The following GPC6 variants were observed in gnomAD, a reference collection of about 807,000 sequenced individuals.
The protein encoded by GPC6 is glypican 6, also known as glypican-6.
Under a neutral mutation model 55.2 loss-of-function variants are expected in GPC6, and 14 were observed. The ratio of observed to expected loss-of-function variants is 0.25; its 90% CI spans 0.17 to 0.40. GPC6 has a LOEUF of 0.40. Ranked by LOEUF, GPC6 falls within the 10% of genes least tolerant of loss-of-function variation. GPC6 has a pLI of 1.00. For missense variants in GPC6, 641 were observed against 708.5 expected (o/e 0.90, Z 1.08); for synonymous variants, 278 against 259.6 (o/e 1.07, Z -0.68).
intron 4 of GPC6, among the ~76,000 whole-genome samples, chr13:94,033,374 G>A (rs1210878938): frequency 6.6e-6 from 1 of 152,162 alleles, no homozygotes; most frequent in South Asian, 2.1e-4. Context: ...GCTACTTGGT[G>A]CACAAATGAC....
chr13:93,494,758 T>G (rs1432997613), intron 1 of GPC6, among the ~76,000 whole-genome samples: 3 of 150,416 alleles, frequency 2.0e-5, no homozygotes, highest in East Asian at 2.1e-4. Context: ...GTGTGTAAAG[T>G]ATTTTATTTC....
chr13:94,296,207 G>A (rs765587101), intron 5 of GPC6, among the ~76,000 whole-genome samples: 4 of 152,162 alleles, frequency 2.6e-5, no homozygotes, highest in Non-Finnish European at 5.9e-5. Context: ...TTCCTTGCAT[G>A]TAAAAGGGAT....
intron 4 of GPC6, among the ~76,000 whole-genome samples, chr13:94,185,835 C>T (rs1307393635): frequency 1.3e-5 from 2 of 151,730 alleles, no homozygotes; most frequent in South Asian, 2.1e-4. Flanking sequence ...CTGAGGTGGG[C>T]GGATCACGAG....
At chr13:94,115,226 A>T (rs1316063452) in intron 4 of GPC6, among the ~76,000 whole-genome samples, 6 of 152,004 alleles carry the variant, frequency 3.9e-5, no homozygotes, top group African/African-American at 2.4e-5. Flanking sequence ...ATTTTAATAC[A>T]GTCATGTGGC....
intron 4 of GPC6, among the ~76,000 whole-genome samples, chr13:94,266,814 A>G (rs181244846): frequency 8.3e-4 from 127 of 152,322 alleles, no homozygotes; most frequent in Middle Eastern, 6.8e-3. Context: ...TTGGCTGATC[A>G]AATGAATGAG....
At chr13:93,411,983 A>G (rs974652113) in intron 1 of GPC6, among the ~76,000 whole-genome samples, 1 of 150,918 alleles carries the variant, frequency 6.6e-6, no homozygotes, top group Non-Finnish European at 1.5e-5. Context: ...AGCCTGGGCA[A>G]CAGAGAGGGA....
intron 4 of GPC6, among the ~76,000 whole-genome samples, chr13:94,043,626 A>G (rs1316584984): frequency 6.6e-6 from 1 of 151,868 alleles, no homozygotes; most frequent in Non-Finnish European, 1.5e-5. Flanking sequence ...GCTGAACACC[A>G]CAAAGTTCAT....
At chr13:94,259,126 A>G (rs1259553513) in intron 4 of GPC6, among the ~76,000 whole-genome samples, 1 of 152,056 alleles carries the variant, frequency 6.6e-6, no homozygotes, top group East Asian at 1.9e-4. Context: ...TCTCACTGGA[A>G]ACCTTTCCCA....
At position 93,685,024 on chromosome 13, in the gene GPC6, C is replaced by T. The variant is rs566764421; in HGVS notation, c.319+139603C>T. On this transcript the variant is annotated intron_variant, in intron 2 of 8. Transcript: ENST00000377047. ...TATATCTGGTAGCAAAAAATCACTGCTTTGAAATTGACTTAATATTATGAA... is the reference window on the plus strand; with the variant it reads ...TATATCTGGTAGCAAAAAATCACTGTTTTGAAATTGACTTAATATTATGAA... 2.1e-3 allele frequency among the ~76,000 whole-genome samples: 325 copies of T among 152,242 alleles called. 1 individual carries two copies. Among genetic ancestry groups the T allele is most frequent in the African/African-American group, 7.2e-3 (298 of 41,564 alleles).
intron 1 of GPC6, among the ~76,000 whole-genome samples, chr13:93,362,934 A>G (rs1881093515): frequency 6.6e-6 from 1 of 152,086 alleles, no homozygotes; most frequent in Non-Finnish European, 1.5e-5. Context: ...CTTCTGCCAA[A>G]CAGTGCTAGT....
chr13:93,634,658 A>G (rs1179702568), intron 2 of GPC6, among the ~76,000 whole-genome samples: 1 of 152,138 alleles, frequency 6.6e-6, no homozygotes, highest in Non-Finnish European at 1.5e-5. Context: ...AACATTTGCC[A>G]TCACATTTGA....
chr13:93,446,923 A>T (rs1187324357), intron 1 of GPC6, among the ~76,000 whole-genome samples: 1 of 151,956 alleles, frequency 6.6e-6, no homozygotes, highest in African/African-American at 2.4e-5. Context: ...AAAAAAATCA[A>T]TGCCATTAGC....
At chr13:93,679,439 A>G (rs1182202358) in intron 2 of GPC6, among the ~76,000 whole-genome samples, 1 of 152,204 alleles carries the variant, frequency 6.6e-6, no homozygotes, top group Non-Finnish European at 1.5e-5. Flanking sequence ...CCATATCTAG[A>G]CATGCCAAAA....
rs139898538 is a variant in GPC6 at position 94,213,587 on chromosome 13, C to T, written c.878-72762C>T. On this transcript the variant is annotated intron_variant, in intron 4 of 8. Coordinates refer to ENST00000377047, the MANE Select transcript of GPC6 (RefSeq NM_005708.5). ...AGCTCTCGGGTTGGCAGAGGGCCAC[C>T]GGTCTAGGATGGTCTCACCTGGGAT... Among the ~76,000 whole-genome samples, 441 of 152,176 alleles carry T rather than the reference C, an allele frequency of 2.9e-3. 2 individuals carry two copies. Among genetic ancestry groups the T allele is most frequent in the African/African-American group, 0.01 (421 of 41,512 alleles).
At chr13:94,366,620 C>T (rs183662938) in intron 6 of GPC6, among the ~76,000 whole-genome samples, 5 of 152,276 alleles carry the variant, frequency 3.3e-5, no homozygotes, top group Admixed American at 1.3e-4. Flanking sequence ...TTATGAAGAC[C>T]GCATATCTAA....
At chr13:93,617,060 G>A (rs1878753311) in intron 2 of GPC6, among the ~76,000 whole-genome samples, 1 of 152,032 alleles carries the variant, frequency 6.6e-6, no homozygotes, top group Admixed American at 6.6e-5. Context: ...TGAAAGGCAT[G>A]CCAGAATTAA....
intron 3 of GPC6, among the ~76,000 whole-genome samples, chr13:93,927,616 G>A (rs1047858350): frequency 1.3e-5 from 2 of 151,474 alleles, no homozygotes; most frequent in Admixed American, 6.6e-5. Context: ...ATGAGATTGT[G>A]GATCTACTGC....
At chr13:93,815,259 G>A (rs986692689) in intron 2 of GPC6, among the ~76,000 whole-genome samples, 6 of 152,168 alleles carry the variant, frequency 3.9e-5, no homozygotes, top group African/African-American at 1.4e-4. Context: ...GAAATAATAA[G>A]CCTGTGGCAT....
At chr13:93,940,944 C>T (rs1209728032) in intron 3 of GPC6, among the ~76,000 whole-genome samples, 1 of 152,098 alleles carries the variant, frequency 6.6e-6, no homozygotes, top group East Asian at 1.9e-4. Context: ...TGTACATTCT[C>T]CCTTTTTTCT....
Sources: allele counts gnomAD v4.1 joint callset (sites outside exome capture counted in the v4.1 genomes callset), GRCh38; gene constraint gnomAD v4.1.1; transcripts MANE v1.5; gene names NCBI Gene and HGNC (gene_info 2026-07-23, HGNC 2026-07-21).